RALGAPA2: variants seen among roughly 807,000 people sequenced by gnomAD.
The protein encoded by RALGAPA2 is ral GTPase-activating protein subunit alpha-2.
A neutral mutation model predicts 230.4 loss-of-function variants in RALGAPA2; 139 were observed. That is an observed-to-expected ratio of 0.60 (90% CI 0.53 to 0.69). The LOEUF is 0.69. Ranked by LOEUF, RALGAPA2 falls within the 30% of genes least tolerant of loss-of-function variation. The pLI is 0.00. For synonymous variants in RALGAPA2, 847 were observed against 837.8 expected (o/e 1.01, Z -0.19); for missense variants, 2,163 against 2,276.0 (o/e 0.95, Z 1.01).
chr20:20,432,651 C>G (rs764710613), intron 37 of RALGAPA2, among the ~76,000 whole-genome samples: 6 of 151,776 alleles, frequency 4.0e-5, no homozygotes, highest in Admixed American at 2.0e-4. Flanking sequence ...TTTCAATATT[C>G]GGAAACACTG....
rs2067707851 is a variant in RALGAPA2 at position 20,659,754 on chromosome 20, T to C, written c.271-6167A>G. 8 of 875,310 alleles carry C rather than the reference T, an allele frequency of 9.1e-6. No homozygotes were observed. The Admixed American group carries it at 1.5e-4, about 17-fold the overall frequency. The allele number at this position is 875,310 out of a possible 1,614,324, so 54.2% of individuals were successfully genotyped here. On this transcript the variant is annotated intron_variant, in intron 3 of 39. Coordinates refer to ENST00000202677, the MANE Select transcript of RALGAPA2 (RefSeq NM_020343.4). Reference sequence around the variant, plus strand: ...TGAAAGATGATGACACTGGGGACCATGCTCAGAATGAAGAAAACAGCACAC... The same window carrying C: ...TGAAAGATGATGACACTGGGGACCACGCTCAGAATGAAGAAAACAGCACAC...
chr20:20,452,521 C>T (rs573187936), intron 37 of RALGAPA2, among the ~76,000 whole-genome samples: 5 of 152,368 alleles, frequency 3.3e-5, no homozygotes, highest in East Asian at 1.9e-4. Context: ...TGTCTCCTCC[C>T]GGCGGCGAGG....
rs944560208 is a variant in RALGAPA2, at chr20:20,547,099, C to T, written c.3157-267G>A. Among the ~76,000 whole-genome samples the T allele has an allele frequency of 4.6e-5, 7 of 152,184 alleles. No individual in the cohort carries two copies. The South Asian group carries it at 6.2e-4, about 14-fold the overall frequency. ...GAGACTAGACATTTCATCTGTCTTC[C>T]GTGTAAAGGTAGGCTCCTTGGACAA... On this transcript the variant is annotated intron_variant, in intron 23 of 39. Coordinates refer to ENST00000202677, the MANE Select transcript of RALGAPA2 (RefSeq NM_020343.4).
At chr20:20,542,671 A>G (rs1167213490) in intron 24 of RALGAPA2, among the ~76,000 whole-genome samples, 1 of 152,224 alleles carries the variant, frequency 6.6e-6, no homozygotes, top group Non-Finnish European at 1.5e-5. Context: ...AGGATTCCCT[A>G]TTTAGTAAAT....
intron 39 of RALGAPA2, among the ~76,000 whole-genome samples, chr20:20,395,351 C>T (rs925295739): frequency 1.2e-4 from 19 of 152,242 alleles, no homozygotes; most frequent in African/African-American, 1.9e-4. Context: ...ACACAAGGTA[C>T]GGCCGCCTTC....
At chr20:20,505,994 C>G (rs531005985) in intron 33 of RALGAPA2, among the ~76,000 whole-genome samples, 1 of 152,298 alleles carries the variant, frequency 6.6e-6, no homozygotes, top group South Asian at 2.1e-4. Context: ...TAACTCTACA[C>G]TTTAAGGCTA....
At chr20:20,571,660 A>G in intron 22 of RALGAPA2, 47 bp from the exon 23 acceptor site, 1 of 1,574,494 alleles carries the variant, frequency 6.4e-7, no homozygotes, top group Non-Finnish European at 8.6e-7. Flanking sequence ...CCAGGTGCAG[A>G]GTATTTCAAC....
intron 37 of RALGAPA2, among the ~76,000 whole-genome samples, chr20:20,448,088 A>G (rs560133291): frequency 6.6e-6 from 1 of 152,364 alleles, no homozygotes; most frequent in East Asian, 1.9e-4. Context: ...GAACACAAAT[A>G]TAGTCCCTCC....
rs946023641 is a variant in RALGAPA2, at chr20:20,458,479, A to G, written c.5495+14350T>C. Among the ~76,000 whole-genome samples the G allele has an allele frequency of 1.0e-4, 14 of 138,940 alleles. 1 individual carries two copies. The highest frequency in any genetic ancestry group is 3.8e-4 in the African/African-American group (14 of 37,266). The allele number at this position is 138,940 out of a possible 152,430, so 91.2% of individuals were successfully genotyped here. ...ATATGTATTTTATATAATATATAAT[A>G]TATATGTATTTTATATATATTATAT... On this transcript the variant is annotated intron_variant, in intron 37 of 39. Transcript: ENST00000202677.
chr20:20,643,191 T>G (rs994191957), intron 5 of RALGAPA2, among the ~76,000 whole-genome samples: 2 of 152,152 alleles, frequency 1.3e-5, no homozygotes, highest in South Asian at 4.1e-4. Flanking sequence ...TGCACTTCCT[T>G]TTTCTGATGA....
chr20:20,627,019 C>T (rs563275095), intron 10 of RALGAPA2, among the ~76,000 whole-genome samples: 68 of 152,248 alleles, frequency 4.5e-4, no homozygotes, highest in African/African-American at 1.6e-3. Flanking sequence ...ACATGTACAA[C>T]AGGAGCATGA....
intron 16 of RALGAPA2, among the ~76,000 whole-genome samples, chr20:20,593,187 G>A (rs1005275101): frequency 6.6e-6 from 1 of 152,250 alleles, no homozygotes; most frequent in Non-Finnish European, 1.5e-5. Flanking sequence ...GCAGGCGTGG[G>A]CCATGGTGCC....
At chr20:20,579,999 T>C (rs919337721) in intron 20 of RALGAPA2, among the ~76,000 whole-genome samples, 4 of 152,222 alleles carry the variant, frequency 2.6e-5, no homozygotes, top group African/African-American at 9.6e-5. Flanking sequence ...TTAGGATAAA[T>C]GTTGTGTCTT....
At chr20:20,590,461 A>G (rs1249504572) in intron 17 of RALGAPA2, among the ~76,000 whole-genome samples, 1 of 152,242 alleles carries the variant, frequency 6.6e-6, no homozygotes, top group African/African-American at 2.4e-5. Flanking sequence ...TTTGACATTA[A>G]AAGATATGAG....
At chr20:20,590,224 TA>T (rs1246737452) in intron 17 of RALGAPA2, among the ~76,000 whole-genome samples, 3 of 152,020 alleles carry the variant, frequency 2.0e-5, no homozygotes, top group East Asian at 1.9e-4. Context: ...TCCTCCTCCA[TA>T]AGTGAAATTA....
chr20:20,400,289 G>A (rs917424358), intron 38 of RALGAPA2, among the ~76,000 whole-genome samples: 9 of 152,226 alleles, frequency 5.9e-5, no homozygotes, highest in African/African-American at 2.2e-4. Context: ...CCCTGGCTCT[G>A]ACTCTGGGTT....
intron 18 of RALGAPA2, among the ~76,000 whole-genome samples, chr20:20,587,797 A>G (rs934492169): frequency 2.6e-5 from 4 of 152,130 alleles, no homozygotes; most frequent in African/African-American, 7.2e-5. Context: ...AAATATAAAT[A>G]AAGAGAAAAA....
Position 20,629,618 on chromosome 20 carries a change from T to C in RALGAPA2, c.1006-28A>G, listed in dbSNP as rs750574741. 3.1e-6 allele frequency: 5 copies of C among 1,605,122 alleles called. No homozygotes were observed. In the African/African-American group the frequency reaches 5.4e-5, roughly 17 times the overall value. ...GGAAGAAAGTCAGCACACTTCTCAA[T>C]GATGCTCACCCCCACTCAAGAACAC... On this transcript the variant is annotated intron_variant, in intron 9 of 39. Transcript: ENST00000202677.
chr20:20,681,397 C>T (rs1603240306), intron 1 of RALGAPA2, among the ~76,000 whole-genome samples: 1 of 152,164 alleles, frequency 6.6e-6, no homozygotes, highest in Non-Finnish European at 1.5e-5. Context: ...CCTAGAGTTG[C>T]CCCTCTTGTA....
Sources: gnomAD v4.1 joint callset for allele counts (sites outside exome capture counted in the v4.1 genomes callset) on GRCh38, gnomAD v4.1.1 for gene constraint, MANE v1.5 for transcripts, NCBI Gene and HGNC (gene_info 2026-07-23, HGNC 2026-07-21) for gene names.